ST6GALNAC3: variants seen among roughly 807,000 people sequenced by gnomAD.
The protein encoded by ST6GALNAC3 is ST6 N-acetylgalactosaminide alpha-2,6-sialyltransferase 3.
In ST6GALNAC3, 25 loss-of-function variants were observed where a neutral mutation model predicts 32.7. The ratio of observed to expected loss-of-function variants is 0.76; its 90% CI spans 0.56 to 1.07. The LOEUF is 1.07. Ranked by LOEUF, ST6GALNAC3 falls within the 50% of genes least tolerant of loss-of-function variation. The pLI is 0.00. For missense variants in ST6GALNAC3, 355 were observed against 382.4 expected (o/e 0.93, Z 0.60); for synonymous variants, 129 against 133.1 (o/e 0.97, Z 0.21).
intron 1 of ST6GALNAC3, among the ~76,000 whole-genome samples, chr1:76,186,384 C>T (rs1459036010): frequency 2.6e-5 from 4 of 152,078 alleles, no homozygotes; most frequent in South Asian, 2.1e-4. Flanking sequence ...AAAGAATTAA[C>T]GTGTATGAGA....
intron 1 of ST6GALNAC3, among the ~76,000 whole-genome samples, chr1:76,228,861 C>T (rs374654744): frequency 1.0e-3 from 152 of 152,180 alleles, no homozygotes; most frequent in African/African-American, 3.5e-3. Flanking sequence ...GGTTTCTGCC[C>T]GGAGAAGGTC....
intron 1 of ST6GALNAC3, among the ~76,000 whole-genome samples, chr1:76,218,320 C>G (rs1370589536): frequency 6.6e-6 from 1 of 152,214 alleles, no homozygotes; most frequent in Non-Finnish European, 1.5e-5. Flanking sequence ...GCAGCCTTTC[C>G]AGAGGAGGCA....
At chr1:76,574,461 C>CT (rs1401411811) in intron 3 of ST6GALNAC3, among the ~76,000 whole-genome samples, 8 of 152,030 alleles carry the variant, frequency 5.3e-5, no homozygotes, top group Admixed American at 2.6e-4. Context: ...ATGGCTGAAT[C>CT]CTCTCCCTGA....
At chr1:76,198,506 T>C (rs192449919) in intron 1 of ST6GALNAC3, among the ~76,000 whole-genome samples, 1 of 152,324 alleles carries the variant, frequency 6.6e-6, no homozygotes, top group East Asian at 1.9e-4. Context: ...GCAGCTTGGA[T>C]GTATCTAAAG....
intron 2 of ST6GALNAC3, among the ~76,000 whole-genome samples, chr1:76,410,666 C>T (rs1302184539): frequency 6.6e-6 from 1 of 152,074 alleles, no homozygotes; most frequent in African/African-American, 2.4e-5. Context: ...ATCGCAGGTG[C>T]TCTATGACTG....
At position 76,525,789 on chromosome 1, in the gene ST6GALNAC3, G is replaced by A. The variant is rs376394975; in HGVS notation, c.624-101663G>A. 3.2e-4 allele frequency among the ~76,000 whole-genome samples: 19 copies of A among 58,942 alleles called. No homozygotes were observed. In the East Asian group the frequency reaches 4.1e-3, roughly 13 times the overall value. The allele number at this position is 58,942 out of a possible 152,430, so 38.7% of individuals were successfully genotyped here. On this transcript the variant is annotated intron_variant, in intron 3 of 4. Transcript: ENST00000328299. ...TGTGTGTTTGTGTGTGTGTGTGTGTGTGTATATATATATATATATATATAT... is the reference window on the plus strand; with the variant it reads ...TGTGTGTTTGTGTGTGTGTGTGTGTATGTATATATATATATATATATATAT...
At chr1:76,506,579 T>G (rs1392156585) in intron 3 of ST6GALNAC3, among the ~76,000 whole-genome samples, 1 of 152,222 alleles carries the variant, frequency 6.6e-6, no homozygotes, top group Non-Finnish European at 1.5e-5. Context: ...TGGTTCCATA[T>G]TGGGGGATTT....
At chr1:76,214,500 G>A (rs980331812) in intron 1 of ST6GALNAC3, among the ~76,000 whole-genome samples, 1 of 152,030 alleles carries the variant, frequency 6.6e-6, no homozygotes, top group Non-Finnish European at 1.5e-5. Context: ...AATTACAAAA[G>A]ATTGATTTCT....
rs1661696847 is a variant in ST6GALNAC3, at chr1:76,509,432, A to G, written c.623+97015A>G. Reference sequence around the variant, plus strand: ...TTTTCTTGGTCAGAATCATAAAAAGATAGAGAAGCCATGCTAATTCTGACA... The same window carrying G: ...TTTTCTTGGTCAGAATCATAAAAAGGTAGAGAAGCCATGCTAATTCTGACA... On this transcript the variant is annotated intron_variant, in intron 3 of 4. Transcript: ENST00000328299. The surrounding 1 kb of genome is among the most constrained non-coding windows in gnomAD (Gnocchi z 5.5). Among the ~76,000 whole-genome samples, 1 of 152,204 alleles carries G rather than the reference A, an allele frequency of 6.6e-6. No homozygotes were observed. The highest frequency in any genetic ancestry group is 2.4e-5 in the African/African-American group (1 of 41,452).
chr1:76,098,242 T>C (rs549660293), intron 1 of ST6GALNAC3, among the ~76,000 whole-genome samples: 1 of 152,356 alleles, frequency 6.6e-6, no homozygotes, highest in South Asian at 2.1e-4. Flanking sequence ...AGTTGTAGAA[T>C]AGCAGAAAGA....
chr1:76,491,925 C>T (rs1660525588), intron 3 of ST6GALNAC3, among the ~76,000 whole-genome samples: 2 of 152,176 alleles, frequency 1.3e-5, no homozygotes, highest in African/African-American at 2.4e-5. Context: ...ACAGGCTGGC[C>T]TGTTGCATAG....
intron 1 of ST6GALNAC3, among the ~76,000 whole-genome samples, chr1:76,273,690 C>A (rs985497824): frequency 6.6e-6 from 1 of 152,130 alleles, no homozygotes; most frequent in Admixed American, 6.5e-5. Context: ...ATTAACATAA[C>A]GTGGCATATC....
intron 3 of ST6GALNAC3, among the ~76,000 whole-genome samples, chr1:76,600,703 T>C (rs1158660469): frequency 2.6e-5 from 4 of 152,232 alleles, no homozygotes; most frequent in African/African-American, 9.6e-5. Flanking sequence ...AAGGTTATTA[T>C]AAAATAAATG....
intron 1 of ST6GALNAC3, among the ~76,000 whole-genome samples, chr1:76,224,340 A>T (rs985572439): frequency 2.6e-5 from 4 of 152,190 alleles, no homozygotes; most frequent in African/African-American, 9.7e-5. Flanking sequence ...TTATCTATGC[A>T]TTCCCAGCCC....
rs5775324 is a variant in ST6GALNAC3, at chr1:76,107,297, C to CTTT, written c.18+32428_18+32430dup. Among the ~76,000 whole-genome samples, 440 of 137,690 alleles carry CTTT rather than the reference C, an allele frequency of 3.2e-3. 4 individuals are homozygous for CTTT. The highest frequency in any genetic ancestry group is 0.011 in the African/African-American group (417 of 37,946). The allele number at this position is 137,690 out of a possible 152,430, so 90.3% of individuals were successfully genotyped here. On this transcript the variant is annotated intron_variant, in intron 1 of 4. Coordinates refer to ENST00000328299, the MANE Select transcript of ST6GALNAC3 (RefSeq NM_152996.4). Reference sequence around the variant, plus strand: ...ATGTTATTCTTTAAACACACTTTTGCTTTTTTTTTTTTTTTTTATAATAAT... The same window carrying CTTT: ...ATGTTATTCTTTAAACACACTTTTGCTTTTTTTTTTTTTTTTTTTTATAATAAT...
At chr1:76,167,678 T>G (rs988609013) in intron 1 of ST6GALNAC3, among the ~76,000 whole-genome samples, 1 of 152,186 alleles carries the variant, frequency 6.6e-6, no homozygotes, top group Non-Finnish European at 1.5e-5. Flanking sequence ...CATTATTGTC[T>G]GTTCAGGGAT....
intron 3 of ST6GALNAC3, among the ~76,000 whole-genome samples, chr1:76,546,716 A>C (rs535370201): frequency 6.6e-6 from 1 of 152,304 alleles, no homozygotes; most frequent in East Asian, 1.9e-4. Flanking sequence ...AGTGGTTGGC[A>C]AATTAAATTC....
rs185474779 is a variant in ST6GALNAC3 at position 76,392,779 on chromosome 1, G to A, written c.214-19229G>A. ...AAAAAACCAGAGCAAGGGTCAACTG[G>A]CCAAAAATAAAAGTCAAAACTCAGC... On this transcript the variant is annotated intron_variant, in intron 2 of 4. Transcript: ENST00000328299. Among the ~76,000 whole-genome samples, 73 of 152,254 alleles carry A rather than the reference G, an allele frequency of 4.8e-4. No individual in the cohort carries two copies. In the East Asian group the frequency reaches 0.012, roughly 25 times the overall value.
chr1:76,148,565 G>A (rs926904829), intron 1 of ST6GALNAC3, among the ~76,000 whole-genome samples: 6 of 152,246 alleles, frequency 3.9e-5, no homozygotes, highest in African/African-American at 1.2e-4. Context: ...TTACCACAAT[G>A]GATAAACTTA....
Sources: gnomAD v4.1 joint callset for allele counts (sites outside exome capture counted in the v4.1 genomes callset) on GRCh38, gnomAD v4.1.1 for gene constraint, Gnocchi (gnomAD v3.1) non-coding constraint, MANE v1.5 for transcripts, NCBI Gene and HGNC (gene_info 2026-07-23, HGNC 2026-07-21) for gene names.